Variants in SCNN1G observed in about 807,000 individuals in gnomAD.
SCNN1G encodes sodium channel epithelial 1 subunit gamma, also known as epithelial sodium channel subunit gamma.
A neutral mutation model predicts 64.6 loss-of-function variants in SCNN1G; 27 were observed. That is an observed-to-expected ratio of 0.42 (90% CI 0.31 to 0.58). The LOEUF (loss-of-function observed/expected upper bound fraction) is 0.58. Among genes scored for constraint, SCNN1G ranks in the 20% least tolerant of loss-of-function variants. SCNN1G has a pLI of 0.18. For missense variants in SCNN1G, 743 were observed against 823.4 expected, an observed-to-expected ratio of 0.90 and a Z score of 1.19; for synonymous variants, 330 against 314.2, an observed-to-expected ratio of 1.05 and a Z score of -0.53.
At chr16:23,184,358 G>A (rs1323885803) in intron 1 of SCNN1G, among the ~76,000 whole-genome samples, 1 of 152,084 alleles carries the variant, frequency 6.6e-6, no homozygotes, top group African/African-American at 2.4e-5. Flanking sequence ...TATTTGACAA[G>A]CAATTGAACC....
chr16:23,209,746 G>A lies in SCNN1G; in HGVS notation c.1078-4G>A. 2 of 1,611,068 alleles carry A rather than the reference G, an allele frequency of 1.2e-6. No homozygotes were observed. Among genetic ancestry groups the A allele is most frequent in the Non-Finnish European group, 1.7e-6 (2 of 1,177,154 alleles). On this transcript the variant is annotated splice_polypyrimidine_tract_variant and splice_region_variant and intron_variant, in intron 6 of 12. Coordinates refer to ENST00000300061, the MANE Select transcript of SCNN1G (RefSeq NM_001039.4). Reference sequence around the variant, plus strand: ...GGGCTGAGTGTGTGCTGCTGTGATTGCAGACAGAGTCCTTCAAGCTGAGTG... The same window carrying A: ...GGGCTGAGTGTGTGCTGCTGTGATTACAGACAGAGTCCTTCAAGCTGAGTG...
chr16:23,188,860 G>A (rs1421776678), intron 2 of SCNN1G, among the ~76,000 whole-genome samples: 1 of 152,128 alleles, frequency 6.6e-6, no homozygotes, highest in Non-Finnish European at 1.5e-5. Context: ...CTTCACGCAG[G>A]CAACTCCTTT....
chr16:23,203,469 A>G (rs996326986), intron 6 of SCNN1G, among the ~76,000 whole-genome samples: 1 of 152,140 alleles, frequency 6.6e-6, no homozygotes, highest in African/African-American at 2.4e-5. Flanking sequence ...TATGCCAAAC[A>G]GGGATTAAGC....
In SCNN1G at chr16:23,189,563, G is replaced by A. The variant is rs1479344552; in HGVS notation, c.510G>A (p.Lys170=). ...LLIFDQDEKG[K]ARDFFTGRKR... ...TCTTTGATCAGGATGAGAAGGGCAA[G>A]GCCAGGGACTTCTTCACAGGGAGGA... is the stretch of plus-strand genomic sequence containing the variant. Residue 170 remains lysine (K), a synonymous_variant, in exon 3 of 13, where the codon AAG becomes AAA. Transcript: ENST00000300061. The A allele has an allele frequency of 6.2e-7, 1 of 1,614,236 alleles. No homozygotes were observed. Among genetic ancestry groups the A allele is most frequent in the South Asian group, 1.1e-5 (1 of 91,090 alleles).
intron 2 of SCNN1G, among the ~76,000 whole-genome samples, chr16:23,187,193 C>T (rs1324423721): frequency 3.3e-5 from 5 of 151,596 alleles, no homozygotes; most frequent in South Asian, 2.1e-4. Context: ...CCTGCAGCCC[C>T]GACCTCCTGG....
At chr16:23,194,355 C>A in intron 5 of SCNN1G, 81 bp downstream of exon 5, 4 of 994,726 alleles carry the variant, frequency 4.0e-6, no homozygotes, top group East Asian at 2.4e-5. Context: ...GATGCGGGAG[C>A]CCTCTGGAAA....
At chr16:23,194,115 C>A in intron 4 of SCNN1G, 56 bp from the exon 5 acceptor site, 3 of 1,235,970 alleles carry the variant, frequency 2.4e-6, no homozygotes, top group Admixed American at 1.7e-5. Context: ...CCCTGCCCAA[C>A]TTCAGCTAAG....
intron 6 of SCNN1G, among the ~76,000 whole-genome samples, chr16:23,198,551 CA>C (rs1959834556): frequency 6.6e-6 from 1 of 151,960 alleles, no homozygotes; most frequent in Admixed American, 6.6e-5. Flanking sequence ...GGCAACATAG[CA>C]AAACCCCATC....
intron 12 of SCNN1G, 107 bp from the exon 13 acceptor site, chr16:23,214,982 G>C (rs1027982506): frequency 7.3e-7 from 1 of 1,362,156 alleles, no homozygotes; most frequent in African/African-American, 1.4e-5. Context: ...CTCCCAGCCT[G>C]TGCAGGGTCG....
chr16:23,198,826 G>A (rs1321598423), intron 6 of SCNN1G, among the ~76,000 whole-genome samples: 1 of 151,906 alleles, frequency 6.6e-6, no homozygotes, highest in Admixed American at 6.6e-5. Context: ...AGGCTGAAGT[G>A]GGACGATCAC....
At chr16:23,188,517 T>G (rs1322773579) in intron 2 of SCNN1G, among the ~76,000 whole-genome samples, 2 of 152,098 alleles carry the variant, frequency 1.3e-5, no homozygotes, top group African/African-American at 4.8e-5. Context: ...GTCTCTAAAA[T>G]AATAACAATA....
chr16:23,212,272 A>G, intron 8 of SCNN1G, 121 bp downstream of exon 8: 1 of 748,432 alleles, frequency 1.3e-6, no homozygotes, highest in South Asian at 1.4e-5. Context: ...ATTGGTTGAG[A>G]GCCATTAACT....
intron 6 of SCNN1G, among the ~76,000 whole-genome samples, chr16:23,200,339 G>A (rs1264608514): frequency 3.9e-5 from 6 of 152,182 alleles, no homozygotes; most frequent in Non-Finnish European, 7.3e-5. Flanking sequence ...CTGGAGTGCA[G>A]TGACACAATC....
At chr16:23,191,147 A>AG (rs1321065378) in intron 3 of SCNN1G, among the ~76,000 whole-genome samples, 7 of 152,114 alleles carry the variant, frequency 4.6e-5, no homozygotes, top group African/African-American at 1.7e-4. Flanking sequence ...ACCTGGCCTG[A>AG]GGGGCTCTTG....
rs146235330 is a variant in SCNN1G at position 23,198,817 on chromosome 16, G to A, written c.1077+1390G>A. Among the ~76,000 whole-genome samples, 273 of 152,112 alleles carry A rather than the reference G, an allele frequency of 1.8e-3. 1 individual carries two copies. The highest frequency in any genetic ancestry group is 6.0e-3 in the African/African-American group (247 of 41,496). ...GACTTGTAGTCCCAGCCACTCAGGA[G>A]GCTGAAGTGGGACGATCACTTGAGC... On this transcript the variant is annotated intron_variant, in intron 6 of 12. Transcript: ENST00000300061.
Position 23,215,128 on chromosome 16 carries a change from C to A in SCNN1G, c.1609C>A (p.Leu537Met). 6.2e-7 allele frequency: 1 copy of A among 1,614,096 alleles called. No homozygotes were observed. The highest frequency in any genetic ancestry group is 1.1e-5 in the South Asian group (1 of 91,066). The change falls in exon 13 of 13, where the codon CTG (leucine) becomes ATG (methionine). Residue 537 changes from leucine to methionine, a missense_variant. By Grantham distance (15) the Leu-to-Met change is conservative. Coordinates refer to ENST00000300061, the MANE Select transcript of SCNN1G (RefSeq NM_001039.4). Reference sequence around the variant, plus strand: ...GTCCAACTTCGGTGGCCAGCTGGGCCTGTGGATGAGCTGCTCTGTTGTCTG... The same window carrying A: ...GTCCAACTTCGGTGGCCAGCTGGGCATGTGGATGAGCTGCTCTGTTGTCTG... ...LLSNFGGQLG[L>M]WMSCSVVCVI...
In SCNN1G at chr16:23,209,937, C is replaced by T. The variant is rs1300983517; in HGVS notation, c.1176+89C>T. ...ATCTAAGCTGGGGTGTGGCTTGCACCAGGAACTCTGGTGAGGATCCCTGGG... is the reference window on the plus strand; with the variant it reads ...ATCTAAGCTGGGGTGTGGCTTGCACTAGGAACTCTGGTGAGGATCCCTGGG... On this transcript the variant is annotated intron_variant, in intron 7 of 12. Coordinates refer to ENST00000300061, the MANE Select transcript of SCNN1G (RefSeq NM_001039.4). 2 of 913,626 alleles carry T rather than the reference C, an allele frequency of 2.2e-6. 1 individual carries two copies. The highest frequency in any genetic ancestry group is 2.7e-5 in the South Asian group (2 of 74,176). The allele number at this position is 913,626 out of a possible 1,614,324, so 56.6% of individuals were successfully genotyped here.
At chr16:23,204,178 C>T (rs1959938741) in intron 6 of SCNN1G, among the ~76,000 whole-genome samples, 1 of 150,134 alleles carries the variant, frequency 6.7e-6, no homozygotes, top group African/African-American at 2.5e-5. Context: ...ACTTGGGAGG[C>T]TCATGCGGGA....
chr16:23,191,236 G>A (rs1435736564), intron 3 of SCNN1G, among the ~76,000 whole-genome samples: 2 of 152,106 alleles, frequency 1.3e-5, no homozygotes, highest in Non-Finnish European at 2.9e-5. Flanking sequence ...CCATGCCCCA[G>A]CCACCTCTGG....
Sources: gnomAD v4.1 joint callset for allele counts (sites outside exome capture counted in the v4.1 genomes callset) on GRCh38, gnomAD v4.1.1 for gene constraint, MANE v1.5 for transcripts, NCBI Gene and HGNC (gene_info 2026-07-23, HGNC 2026-07-21) for gene names.